The following GALNT6 variants were observed in gnomAD, a reference collection of about 807,000 sequenced individuals.
GALNT6 encodes the protein GalNAc transferase 6.
A neutral mutation model predicts 65.9 loss-of-function variants in GALNT6; 51 were observed. The observed-to-expected ratio is 0.77, with a 90% CI of 0.62 to 0.98. GALNT6 has a LOEUF of 0.98. Among genes scored for constraint, GALNT6 ranks in the 50% least tolerant of loss-of-function variants. The pLI is 0.00. For missense variants in GALNT6, 708 were observed against 803.3 expected (o/e 0.88, Z 1.43); for synonymous variants, 323 against 315.1 (o/e 1.02, Z -0.26).
At chr12:51,365,181 C>G (rs996481208) in intron 5 of GALNT6, among the ~76,000 whole-genome samples, 6 of 152,098 alleles carry the variant, frequency 3.9e-5, no homozygotes, top group Admixed American at 3.9e-4. Context: ...TGTCCGGGGC[C>G]CCGGTGATCA....
At position 51,390,902 on chromosome 12, in the gene GALNT6, T is replaced by G. The variant is rs1030344719; in HGVS notation, c.-156A>C. The G allele has an allele frequency of 6.6e-6, 1 of 152,336 alleles. No homozygotes were observed. The allele number at this position is 152,336 out of a possible 1,614,324, so 9.4% of individuals were successfully genotyped here. On this transcript the variant is annotated 5_prime_UTR_variant, in exon 2 of 12. Coordinates refer to ENST00000356317, the MANE Select transcript of GALNT6 (RefSeq NM_007210.4). ...ATTGGCCCTGGATGCAAGTAAAAGC[T>G]GTTTCTCCTTTTTGTCAGCCTGGGA... is the stretch of plus-strand genomic sequence containing the variant.
At position 51,354,056 on chromosome 12, in the gene GALNT6, C is replaced by A. The variant is rs992263591; in HGVS notation, c.*323G>T. ...AGGATTTCAGGCATGAGCCACTGTG[C>A]CCAGCCTGAAGTACTTTTCTTGAAC... is the stretch of plus-strand genomic sequence containing the variant. On this transcript the variant is annotated 3_prime_UTR_variant, in exon 12 of 12. Coordinates refer to ENST00000356317, the MANE Select transcript of GALNT6 (RefSeq NM_007210.4). 4 of 229,724 alleles carry A rather than the reference C, an allele frequency of 1.7e-5. No individual in the cohort carries two copies. The highest frequency in any genetic ancestry group is 6.9e-5 in the African/African-American group (3 of 43,186). The allele number at this position is 229,724 out of a possible 1,614,324, so 14.2% of individuals were successfully genotyped here.
At chr12:51,354,541 C>T (rs1165302294) in intron 11 of GALNT6, 49 bp from the exon 12 acceptor site, 4 of 1,226,890 alleles carry the variant, frequency 3.3e-6, no homozygotes, top group East Asian at 2.5e-5. Context: ...GACCTCTTAA[C>T]GGTGCTACCA....
At chr12:51,364,383 T>G in intron 5 of GALNT6, 28 bp from the exon 6 acceptor site, 1 of 1,514,964 alleles carries the variant, frequency 6.6e-7, no homozygotes, top group Middle Eastern at 1.7e-4. Flanking sequence ...GAGGCAGCAG[T>G]CAGGGCCCTG....
At chr12:51,385,837 T>C (rs189605098) in intron 2 of GALNT6, among the ~76,000 whole-genome samples, 1 of 150,880 alleles carries the variant, frequency 6.6e-6, no homozygotes, top group East Asian at 1.9e-4. Context: ...TCCATAAACT[T>C]TTTTTTTTTC....
At chr12:51,365,688 A>T in intron 4 of GALNT6, 109 bp from the exon 5 acceptor site, 4 of 1,044,984 alleles carry the variant, frequency 3.8e-6, no homozygotes, top group Admixed American at 4.4e-5. Flanking sequence ...TGAATTTTAA[A>T]CCCCCAACAC....
At chr12:51,362,699 TG>T (rs1400764395) in intron 6 of GALNT6, among the ~76,000 whole-genome samples, 2 of 152,182 alleles carry the variant, frequency 1.3e-5, no homozygotes, top group Non-Finnish European at 2.9e-5. Flanking sequence ...AAACAAACAT[TG>T]GGTCAGTGGA....
intron 4 of GALNT6, among the ~76,000 whole-genome samples, chr12:51,376,594 T>C (rs1004063041): frequency 4.1e-5 from 6 of 145,136 alleles, no homozygotes; most frequent in Non-Finnish European, 7.4e-5. Flanking sequence ...GATCACACCA[T>C]TGTACTCCAG....
chr12:51,376,607 T>C (rs972321777), intron 4 of GALNT6, among the ~76,000 whole-genome samples: 1 of 128,454 alleles, frequency 7.8e-6, no homozygotes, highest in African/African-American at 3.0e-5. Context: ...TACTCCAGCC[T>C]GGGCAACAAG....
At chr12:51,361,660 G>T (rs1025475268) in intron 6 of GALNT6, among the ~76,000 whole-genome samples, 6 of 152,192 alleles carry the variant, frequency 3.9e-5, no homozygotes, top group African/African-American at 1.4e-4. Flanking sequence ...ATACCAGGTT[G>T]CTTCGAAGAG....
At chr12:51,386,892 C>A (rs1416468663) in intron 2 of GALNT6, among the ~76,000 whole-genome samples, 1 of 152,170 alleles carries the variant, frequency 6.6e-6, no homozygotes, top group Non-Finnish European at 1.5e-5. Flanking sequence ...TTCTCCAAAG[C>A]CCTCCTCCCA....
chr12:51,359,084 G>T, intron 8 of GALNT6, 48 bp downstream of exon 8: 1 of 1,446,498 alleles, frequency 6.9e-7, no homozygotes, highest in Non-Finnish European at 9.7e-7. Context: ...GGGTCTGGGG[G>T]CCGTACTTCT....
intron 4 of GALNT6, among the ~76,000 whole-genome samples, chr12:51,368,169 GAGA>G (rs1460391022): frequency 6.6e-6 from 1 of 151,368 alleles, no homozygotes. Context: ...AGATTAAGAT[GAGA>G]AGGCCAAGGA....
At chr12:51,360,495 A>T (rs549566214) in intron 7 of GALNT6, among the ~76,000 whole-genome samples, 1 of 152,228 alleles carries the variant, frequency 6.6e-6, no homozygotes, top group African/African-American at 2.4e-5. Context: ...CTTGCCTCTG[A>T]GAAGTTGTGC....
rs1946788404 is a variant in GALNT6, at chr12:51,357,537, T to C, written c.1501-87A>G. 6.2e-6 allele frequency: 5 copies of C among 811,552 alleles called. No individual in the cohort carries two copies. The Admixed American group carries it at 9.5e-5, about 15-fold the overall frequency. 50.3% of individuals were successfully genotyped at this position (811,552 alleles called of 1,614,324 possible). ...GGTATGGGGCCCCACTGGAACAAAT[T>C]CCAGTCAACTGCAACAAATTTGCAT... On this transcript the variant is annotated intron_variant, in intron 9 of 11. Transcript: ENST00000356317.
At chr12:51,382,837 AC>A (rs1565734947) in intron 2 of GALNT6, among the ~76,000 whole-genome samples, 1 of 151,692 alleles carries the variant, frequency 6.6e-6, no homozygotes, top group Non-Finnish European at 1.5e-5. Flanking sequence ...GCCTAGGAAG[AC>A]CCCCTTGGGT....
At position 51,381,544 on chromosome 12, in the gene GALNT6, T is replaced by C. The variant is rs74471389; in HGVS notation, c.-103-1660A>G. On this transcript the variant is annotated intron_variant, in intron 2 of 11. Transcript: ENST00000356317. Reference sequence around the variant, plus strand: ...CTACCTCCTAGGGTTGTTACAAGGATTATGCTCCTTCCCCACAAAATTCAT... The same window carrying C: ...CTACCTCCTAGGGTTGTTACAAGGACTATGCTCCTTCCCCACAAAATTCAT... Among the ~76,000 whole-genome samples the C allele has an allele frequency of 1.6e-4, 25 of 152,336 alleles. No homozygotes were observed. The East Asian group carries it at 3.9e-3, about 23-fold the overall frequency.
At chr12:51,368,929 T>C (rs1001714808) in intron 4 of GALNT6, among the ~76,000 whole-genome samples, 2 of 152,216 alleles carry the variant, frequency 1.3e-5, no homozygotes, top group Non-Finnish European at 2.9e-5. Context: ...TCTGTCAATG[T>C]GCTGCCAGGT....
At chr12:51,382,891 A>G (rs1035661778) in intron 2 of GALNT6, among the ~76,000 whole-genome samples, 14 of 152,236 alleles carry the variant, frequency 9.2e-5, no homozygotes, top group African/African-American at 3.1e-4. Context: ...ACAGAGGGAC[A>G]CAAAGGCTCA....
Sources: gnomAD v4.1 joint callset for allele counts (sites outside exome capture counted in the v4.1 genomes callset) on GRCh38, gnomAD v4.1.1 for gene constraint, MANE v1.5 for transcripts, NCBI Gene and HGNC (gene_info 2026-07-23, HGNC 2026-07-21) for gene names.